Variants in HLF observed in about 807,000 individuals in gnomAD.
HLF encodes hepatic leukemia factor.
HLF carries 3 observed loss-of-function variants against 22.6 expected under a neutral mutation model. That is an observed-to-expected ratio of 0.13 (90% CI 0.06 to 0.34). HLF has a LOEUF of 0.34. Ranked by LOEUF, HLF falls within the 10% of genes least tolerant of loss-of-function variation. The pLI, the probability that HLF is intolerant of heterozygous loss-of-function variation, is 1.00. For missense variants in HLF, 299 were observed against 389.2 expected (o/e 0.77, Z 1.95); for synonymous variants, 151 against 151.8 (o/e 0.99, Z 0.04).
intron 2 of HLF, among the ~76,000 whole-genome samples, chr17:55,305,024 A>C (rs1156475440): frequency 6.6e-6 from 1 of 152,232 alleles, no homozygotes; most frequent in East Asian, 1.9e-4. Flanking sequence ...CTGTCTGCCC[A>C]AACCAAACGT....
At chr17:55,319,246 T>C (rs886657030) in intron 3 of HLF, among the ~76,000 whole-genome samples, 1 of 152,100 alleles carries the variant, frequency 6.6e-6, no homozygotes, top group African/African-American at 2.4e-5. Context: ...AATGGGCAGT[T>C]TTGGGGGTGG....
chr17:55,309,556 A>G (rs1164931961), intron 2 of HLF, among the ~76,000 whole-genome samples: 3 of 152,196 alleles, frequency 2.0e-5, no homozygotes, highest in Admixed American at 6.5e-5. Context: ...TAAACTGGTG[A>G]TGAGGAGGAG....
intron 2 of HLF, among the ~76,000 whole-genome samples, chr17:55,270,635 C>T (rs899261054): frequency 2.7e-5 from 4 of 148,746 alleles, no homozygotes; most frequent in African/African-American, 5.0e-5. Context: ...AACCTTGGCA[C>T]TGTTAATGTT....
chr17:55,270,958 T>C (rs1158499939), intron 2 of HLF, among the ~76,000 whole-genome samples: 3 of 152,168 alleles, frequency 2.0e-5, no homozygotes, highest in East Asian at 1.9e-4. Flanking sequence ...AAATCTTGTG[T>C]CTTACGCTTT....
chr17:55,319,495 AAAG>A (rs1905188863), intron 3 of HLF, among the ~76,000 whole-genome samples: 2 of 152,200 alleles, frequency 1.3e-5, no homozygotes, highest in Non-Finnish European at 2.9e-5. Flanking sequence ...GGAAGATCTA[AAAG>A]AAGATCCCTG....
intron 2 of HLF, among the ~76,000 whole-genome samples, chr17:55,269,455 C>T (rs770700833): frequency 2.8e-4 from 42 of 152,144 alleles, no homozygotes; most frequent in Non-Finnish European, 1.8e-4. Flanking sequence ...AATAACCCTT[C>T]AAAGTGGGAA....
At chr17:55,266,902 A>C in intron 1 of HLF, 169 of 593,356 alleles carry the variant, frequency 2.8e-4, no homozygotes, top group Non-Finnish European at 3.3e-4. Flanking sequence ...AGAATAACTC[A>C]CCTTTTCCAA....
chr17:55,308,285 A>C (rs1244890279), intron 2 of HLF, among the ~76,000 whole-genome samples: 1 of 152,190 alleles, frequency 6.6e-6, no homozygotes, highest in Non-Finnish European at 1.5e-5. Flanking sequence ...TAGTCTGTTT[A>C]TTTGATTTAC....
At chr17:55,317,017 G>C (rs1289835558) in intron 3 of HLF, among the ~76,000 whole-genome samples, 1 of 146,366 alleles carries the variant, frequency 6.8e-6, no homozygotes, top group Non-Finnish European at 1.5e-5. Context: ...GCCCAGGCTG[G>C]AGTGCAGTGG....
At chr17:55,295,407 A>G (rs910361239) in intron 2 of HLF, among the ~76,000 whole-genome samples, 4 of 152,270 alleles carry the variant, frequency 2.6e-5, no homozygotes, top group Middle Eastern at 3.2e-3. Context: ...GAGAGGGGAA[A>G]AAAACAGAAA....
intron 2 of HLF, among the ~76,000 whole-genome samples, chr17:55,280,413 A>C (rs1434767455): frequency 6.6e-6 from 1 of 152,214 alleles, no homozygotes; most frequent in Non-Finnish European, 1.5e-5. Flanking sequence ...CTCTTTGAAT[A>C]GATGTATGCT....
rs370473898 is a variant in HLF at position 55,321,019 on chromosome 17, C to CTG, written c.*151_*152dup. 18 of 668,930 alleles carry CTG rather than the reference C, an allele frequency of 2.7e-5. No individual in the cohort carries two copies. The highest frequency in any genetic ancestry group is 4.0e-5 in the Non-Finnish European group (15 of 379,406). The allele number at this position is 668,930 out of a possible 1,614,324, so 41.4% of individuals were successfully genotyped here. ...AACTGACTCCCATTTTGGTGTGCAT[C>CTG]TGTGTGTGTGTGCGTGTATATGTGC... On this transcript the variant is annotated 3_prime_UTR_variant, in exon 4 of 4. Transcript: ENST00000226067.
intron 2 of HLF, among the ~76,000 whole-genome samples, chr17:55,269,737 T>C (rs1398312749): frequency 6.6e-6 from 1 of 152,222 alleles, no homozygotes; most frequent in Non-Finnish European, 1.5e-5. Flanking sequence ...GTTGTATGTG[T>C]CAACTTTTAT....
intron 2 of HLF, among the ~76,000 whole-genome samples, chr17:55,311,786 A>G (rs1268442129): frequency 6.6e-6 from 1 of 152,208 alleles, no homozygotes; most frequent in Non-Finnish European, 1.5e-5. Flanking sequence ...GAGTGAACAT[A>G]GTACCTAATA....
Position 55,324,790 on chromosome 17 carries a change from A to AGCGT in HLF, c.*3912_*3913insCGTG, listed in dbSNP as rs375620371. ...CATTTTGCAGGAGGCTAAGTGTAAG[A>AGCGT]GTGTGTGTGTGTGTGTGTGCGTGCA... On this transcript the variant is annotated 3_prime_UTR_variant, in exon 4 of 4. Transcript: ENST00000226067. The AGCGT allele has an allele frequency of 5.4e-6, 1 of 185,508 alleles. No homozygotes were observed. Among genetic ancestry groups the AGCGT allele is most frequent in the Non-Finnish European group, 1.1e-5 (1 of 90,242 alleles). 11.5% of individuals were successfully genotyped at this position (185,508 alleles called of 1,614,324 possible). A position where few individuals can be genotyped will look rare whatever the true frequency, so the allele number is the denominator to read the frequency against.
chr17:55,297,859 C>T (rs1388065646), intron 2 of HLF, among the ~76,000 whole-genome samples: 9 of 146,076 alleles, frequency 6.2e-5, no homozygotes, highest in Non-Finnish European at 1.3e-4. Flanking sequence ...AAGCAGTTCT[C>T]CTGTCTCAAC....
chr17:55,310,873 A>G (rs1904798047), intron 2 of HLF, among the ~76,000 whole-genome samples: 1 of 152,220 alleles, frequency 6.6e-6, no homozygotes, highest in Admixed American at 6.5e-5. Context: ...AATATACCCT[A>G]GTAACAACTC....
rs541733088 is a variant in HLF at position 55,265,306 on chromosome 17, T to C, written c.-179T>C. ...GAAACCCGAAAGTTTTTTTTTAATATATATTTTTATGCAGATGTATTTATA... is the reference window on the plus strand; with the variant it reads ...GAAACCCGAAAGTTTTTTTTTAATACATATTTTTATGCAGATGTATTTATA... On this transcript the variant is annotated 5_prime_UTR_variant, in exon 1 of 4. Transcript: ENST00000226067. The C allele has an allele frequency of 1.3e-5, 7 of 520,304 alleles. No homozygotes were observed. The highest frequency in any genetic ancestry group is 1.0e-4 in the African/African-American group (5 of 49,794). The allele number at this position is 520,304 out of a possible 1,614,324, so 32.2% of individuals were successfully genotyped here. A position where few individuals can be genotyped will look rare whatever the true frequency, so the allele number is the denominator to read the frequency against.
intron 2 of HLF, among the ~76,000 whole-genome samples, chr17:55,292,994 A>C (rs2081078507): frequency 6.6e-6 from 1 of 152,212 alleles, no homozygotes; most frequent in African/African-American, 2.4e-5. Flanking sequence ...TGGGAAGGTT[A>C]GCGGGGGCTG....
Sources: allele counts gnomAD v4.1 joint callset (sites outside exome capture counted in the v4.1 genomes callset), GRCh38; gene constraint gnomAD v4.1.1; transcripts MANE v1.5; gene names NCBI Gene and HGNC (gene_info 2026-07-23, HGNC 2026-07-21).